ADARB2: variants seen among roughly 807,000 people sequenced by gnomAD.
ADARB2 encodes the protein inactive double-stranded RNA-specific editase B2.
In ADARB2, 25 loss-of-function variants were observed where a neutral mutation model predicts 62.2. The ratio of observed to expected loss-of-function variants is 0.40; its 90% CI spans 0.29 to 0.56. The LOEUF (loss-of-function observed/expected upper bound fraction) is 0.56. Ranked by LOEUF, ADARB2 falls within the 20% of genes least tolerant of loss-of-function variation. ADARB2 has a pLI of 0.43. For missense variants in ADARB2, 1,071 were observed against 1,077.4 expected (o/e 0.99, Z 0.08); for synonymous variants, 572 against 500.8 (o/e 1.14, Z -1.90).
intron 1 of ADARB2, among the ~76,000 whole-genome samples, chr10:1,401,774 G>A (rs1832665630): frequency 6.6e-6 from 1 of 152,174 alleles, no homozygotes; most frequent in South Asian, 2.1e-4. Context: ...CACTGAGCAA[G>A]CAGTTTCTTG....
chr10:1,324,858 C>G (rs112408870), intron 3 of ADARB2, among the ~76,000 whole-genome samples: 1 of 152,078 alleles, frequency 6.6e-6, no homozygotes, highest in African/African-American at 2.4e-5. Context: ...GCTAAACAAA[C>G]GCAAGTACAA....
At chr10:1,670,842 G>C (rs1015520958) in intron 1 of ADARB2, among the ~76,000 whole-genome samples, 1 of 152,164 alleles carries the variant, frequency 6.6e-6, no homozygotes, top group Non-Finnish European at 1.5e-5. Context: ...CAGGTGATTA[G>C]GACGTCTGCG....
intron 3 of ADARB2, among the ~76,000 whole-genome samples, chr10:1,304,556 A>G (rs1054700992): frequency 6.6e-6 from 1 of 152,174 alleles, no homozygotes; most frequent in Non-Finnish European, 1.5e-5. Flanking sequence ...CTCCACCCCA[A>G]ATCAACAGAA....
intron 1 of ADARB2, among the ~76,000 whole-genome samples, chr10:1,638,816 A>T (rs1210824943): frequency 6.6e-6 from 1 of 152,114 alleles, no homozygotes; most frequent in African/African-American, 2.4e-5. Flanking sequence ...AGGCAAAATC[A>T]CCACTCATCA....
At chr10:1,242,376 A>C in intron 4 of ADARB2, 77 bp from the exon 5 acceptor site, 61 of 1,448,452 alleles carry the variant, frequency 4.2e-5, no homozygotes, top group Non-Finnish European at 5.4e-5. Flanking sequence ...TCAGGGTCTC[A>C]CAACAGCGGT....
At chr10:1,593,716 T>C (rs1396739352) in intron 1 of ADARB2, among the ~76,000 whole-genome samples, 1 of 152,214 alleles carries the variant, frequency 6.6e-6, no homozygotes, top group Admixed American at 6.5e-5. Flanking sequence ...TCAGCAATAT[T>C]ACTTCTAACG....
In ADARB2 at chr10:1,546,804, C is replaced by G. The variant is rs113761546; in HGVS notation, c.101-167644G>C. On this transcript the variant is annotated intron_variant, in intron 1 of 9. Transcript: ENST00000381312. ...TCCCGATAGCCATTCCGATGGAAGG[C>G]CCTGACAAACGACTCCCTGCAAAGC... Among the ~76,000 whole-genome samples the G allele has an allele frequency of 2.4e-3, 370 of 152,366 alleles. 1 individual carries two copies. Among genetic ancestry groups the G allele is most frequent in the African/African-American group, 8.2e-3 (339 of 41,586 alleles).
At chr10:1,720,417 A>G (rs1418854956) in intron 1 of ADARB2, among the ~76,000 whole-genome samples, 2 of 152,208 alleles carry the variant, frequency 1.3e-5, no homozygotes, top group South Asian at 4.1e-4. Flanking sequence ...GCCAGGTACT[A>G]TGCTCACTCC....
intron 3 of ADARB2, among the ~76,000 whole-genome samples, chr10:1,276,627 A>AAAG (rs1455551281): frequency 6.6e-6 from 1 of 152,224 alleles, no homozygotes; most frequent in Non-Finnish European, 1.5e-5. Flanking sequence ...AGACCTACGA[A>AAAG]AAGACTTAGA....
At chr10:1,296,849 C>G (rs1831527798) in intron 3 of ADARB2, among the ~76,000 whole-genome samples, 1 of 152,138 alleles carries the variant, frequency 6.6e-6, no homozygotes, top group Admixed American at 6.5e-5. Flanking sequence ...TCCTTCCTTA[C>G]TGCCAGAAAA....
chr10:1,538,548 C>T (rs574592879), intron 1 of ADARB2, among the ~76,000 whole-genome samples: 16 of 152,308 alleles, frequency 1.1e-4, no homozygotes, highest in South Asian at 1.0e-3. Context: ...ACATGCTGGA[C>T]GCACACCTGA....
intron 4 of ADARB2, among the ~76,000 whole-genome samples, chr10:1,258,683 T>A (rs1002800750): frequency 2.6e-5 from 4 of 152,026 alleles, no homozygotes; most frequent in African/African-American, 9.7e-5. Flanking sequence ...AGACTTAGAC[T>A]CCCCACAATA....
intron 3 of ADARB2, among the ~76,000 whole-genome samples, chr10:1,317,417 G>A (rs1331024728): frequency 6.6e-6 from 1 of 152,144 alleles, no homozygotes; most frequent in Non-Finnish European, 1.5e-5. Context: ...GTAAGTTGTT[G>A]TACGGATTTT....
chr10:1,475,921 A>G (rs1831393880), intron 1 of ADARB2, among the ~76,000 whole-genome samples: 1 of 152,214 alleles, frequency 6.6e-6, no homozygotes, highest in Non-Finnish European at 1.5e-5. Flanking sequence ...ACTACAAAAC[A>G]CGAACATTTT....
chr10:1,455,136 T>C (rs1229396984), intron 1 of ADARB2, among the ~76,000 whole-genome samples: 3 of 152,204 alleles, frequency 2.0e-5, no homozygotes, highest in Non-Finnish European at 4.4e-5. Context: ...CAAAGCCACA[T>C]CCTGCTTACA....
intron 1 of ADARB2, among the ~76,000 whole-genome samples, chr10:1,404,910 G>A (rs11250496): frequency 2.0e-5 from 3 of 152,202 alleles, no homozygotes; most frequent in African/African-American, 4.8e-5. Context: ...GGTCCTTTTC[G>A]TTAGATTGTT....
intron 1 of ADARB2, among the ~76,000 whole-genome samples, chr10:1,696,658 C>T (rs1300920941): frequency 6.6e-5 from 10 of 152,182 alleles, no homozygotes; most frequent in South Asian, 2.1e-4. Context: ...GCTGTGCCTC[C>T]GCTGAGAGAT....
At chr10:1,684,389 C>G (rs1834575696) in intron 1 of ADARB2, among the ~76,000 whole-genome samples, 1 of 152,108 alleles carries the variant, frequency 6.6e-6, no homozygotes, top group Non-Finnish European at 1.5e-5. Context: ...TTATAAGATT[C>G]AAAGTTAAAA....
intron 1 of ADARB2, among the ~76,000 whole-genome samples, chr10:1,576,619 G>A (rs957298279): frequency 6.6e-6 from 1 of 152,112 alleles, no homozygotes; most frequent in African/African-American, 2.4e-5. Context: ...GTGGGTGAGG[G>A]GCACTGTGCA....
Sources: gnomAD v4.1 joint callset for allele counts (sites outside exome capture counted in the v4.1 genomes callset) on GRCh38, gnomAD v4.1.1 for gene constraint, MANE v1.5 for transcripts, NCBI Gene and HGNC (gene_info 2026-07-23, HGNC 2026-07-21) for gene names.